Variants in CNTN1 observed in about 807,000 individuals in gnomAD.
The protein encoded by CNTN1 is contactin 1, also known as contactin-1.
CNTN1 carries 38 observed loss-of-function variants against 126.4 expected under a neutral mutation model. The ratio of observed to expected loss-of-function variants is 0.30; its 90% CI spans 0.23 to 0.39. The LOEUF is 0.39. Among genes scored for constraint, CNTN1 ranks in the 10% least tolerant of loss-of-function variants. The pLI, the probability that CNTN1 is intolerant of heterozygous loss-of-function variation, is 1.00. For synonymous variants in CNTN1, 413 were observed against 422.6 expected (o/e 0.98, Z 0.28); for missense variants, 1,009 against 1,248.4 (o/e 0.81, Z 2.89).
intron 1 of CNTN1, among the ~76,000 whole-genome samples, chr12:40,814,295 A>T (rs1479668081): frequency 6.6e-6 from 1 of 152,064 alleles, no homozygotes; most frequent in African/African-American, 2.4e-5. Flanking sequence ...AAATGGTATT[A>T]CCTAGGTTTT....
intron 7 of CNTN1, among the ~76,000 whole-genome samples, chr12:40,931,669 A>T (rs1372540): frequency 0.071 from 10,823 of 151,960 alleles, 641 homozygotes; most frequent in Admixed American, 0.18. Context: ...ATTATTTATT[A>T]TCAAATCCCA....
At chr12:40,988,274 T>C (rs965389634) in intron 16 of CNTN1, among the ~76,000 whole-genome samples, 6 of 152,076 alleles carry the variant, frequency 3.9e-5, no homozygotes, top group Non-Finnish European at 8.8e-5. Flanking sequence ...TCTGAGTGAG[T>C]AGGTTTGTTC....
At chr12:40,881,205 T>A (rs542591449) in intron 1 of CNTN1, among the ~76,000 whole-genome samples, 10 of 151,920 alleles carry the variant, frequency 6.6e-5, no homozygotes, top group Non-Finnish European at 1.3e-4. Context: ...CCCACCCAAA[T>A]ATTTACTCCA....
intron 1 of CNTN1, among the ~76,000 whole-genome samples, chr12:40,904,259 C>G (rs1217261087): frequency 6.6e-6 from 1 of 152,042 alleles, no homozygotes; most frequent in African/African-American, 2.4e-5. Flanking sequence ...ACCTCGTGAT[C>G]CGTCCACCTT....
intron 1 of CNTN1, among the ~76,000 whole-genome samples, chr12:40,906,763 C>T (rs1279671775): frequency 7.1e-5 from 7 of 99,246 alleles, no homozygotes; most frequent in African/African-American, 2.8e-4. Flanking sequence ...ACTGCAACCT[C>T]CACCTCCCAG....
rs552732207 is a variant in CNTN1 at position 41,017,378 on chromosome 12, T to C, written c.2419+462T>C. 1.6e-4 allele frequency among the ~76,000 whole-genome samples: 21 copies of C among 130,270 alleles called. 1 individual carries two copies. In the South Asian group the frequency reaches 4.4e-3, roughly 27 times the overall value. The allele number at this position is 130,270 out of a possible 152,430, so 85.5% of individuals were successfully genotyped here. A position where few individuals can be genotyped will look rare whatever the true frequency, so the allele number is the denominator to read the frequency against. On this transcript the variant is annotated intron_variant, in intron 19 of 23. Coordinates refer to ENST00000551295, the MANE Select transcript of CNTN1 (RefSeq NM_001843.4). ...GTCTGGAGGACAGAGCAAGACTCCG[T>C]CTCAAAAAAAAAAAAAAAAAAATTT...
chr12:40,711,303 T>C (rs1468043298), intron 1 of CNTN1, among the ~76,000 whole-genome samples: 1 of 152,184 alleles, frequency 6.6e-6, no homozygotes, highest in African/African-American at 2.4e-5. Flanking sequence ...TTCTTTCATT[T>C]TTCTCTTCCC....
At chr12:41,057,185 T>C (rs1453497329) in intron 23 of CNTN1, among the ~76,000 whole-genome samples, 2 of 130,530 alleles carry the variant, frequency 1.5e-5, no homozygotes, top group Non-Finnish European at 3.2e-5. Flanking sequence ...TTATAAATAT[T>C]TAGATATTTA....
intron 11 of CNTN1, 77 bp from the exon 12 acceptor site, chr12:40,939,258 A>T: frequency 6.7e-7 from 1 of 1,500,980 alleles, no homozygotes; most frequent in Admixed American, 1.8e-5. Flanking sequence ...AAGGAGAATA[A>T]AAGATTCTAC....
At chr12:40,842,599 T>C (rs1942327975) in intron 1 of CNTN1, among the ~76,000 whole-genome samples, 1 of 152,098 alleles carries the variant, frequency 6.6e-6, no homozygotes, top group African/African-American at 2.4e-5. Flanking sequence ...TTAGACACTT[T>C]TGCTTCCTTC....
chr12:40,767,840 A>T (rs1939179554), intron 1 of CNTN1, among the ~76,000 whole-genome samples: 1 of 152,138 alleles, frequency 6.6e-6, no homozygotes, highest in Admixed American at 6.5e-5. Context: ...AGTAAAAATA[A>T]AGTGTTTTCC....
chr12:40,942,926 C>A (rs1348015004), intron 12 of CNTN1, among the ~76,000 whole-genome samples: 1 of 151,928 alleles, frequency 6.6e-6, no homozygotes, highest in African/African-American at 2.4e-5. Context: ...TTTGTGCAAA[C>A]TTTCAAAGAT....
chr12:40,912,060 A>C (rs1374353040), intron 3 of CNTN1, among the ~76,000 whole-genome samples: 3 of 152,232 alleles, frequency 2.0e-5, no homozygotes, highest in Non-Finnish European at 4.4e-5. Context: ...AGCATATATA[A>C]TAGTTTTTAA....
chr12:40,830,954 TATATATATAC>T (rs1270056222), intron 1 of CNTN1, among the ~76,000 whole-genome samples: 2 of 107,596 alleles, frequency 1.9e-5, no homozygotes, highest in Non-Finnish European at 4.0e-5. Flanking sequence ...TATATATATA[TATATATATAC>T]ACACACACAC....
intron 14 of CNTN1, among the ~76,000 whole-genome samples, chr12:40,951,715 TAAAAAAAAAAA>T (rs71078286): frequency 2.7e-5 from 3 of 110,026 alleles, no homozygotes; most frequent in Admixed American, 2.1e-4. Flanking sequence ...TCTCAAAATT[TAAAAAAAAAAA>T]AAAAAAAAAA....
At chr12:40,725,401 C>CAAAAAAAAAAAAAAAAAAAAAAAGAAAAA (rs34242859) in intron 1 of CNTN1, among the ~76,000 whole-genome samples, 2 of 45,332 alleles carry the variant, frequency 4.4e-5, no homozygotes, top group Non-Finnish European at 4.0e-5. Flanking sequence ...AACTCTGTCT[C>CAAAAAAAAAAAAAAAAAAAAAAAGAAAAA]AAAAAAAAAA....
intron 17 of CNTN1, among the ~76,000 whole-genome samples, chr12:41,001,584 A>G (rs1397434912): frequency 5.3e-5 from 8 of 152,280 alleles, no homozygotes; most frequent in Admixed American, 3.3e-4. Flanking sequence ...TTTGCTGTGC[A>G]GAAGCTCTTT....
chr12:40,778,747 T>C (rs1193240812), intron 1 of CNTN1, among the ~76,000 whole-genome samples: 1 of 151,826 alleles, frequency 6.6e-6, no homozygotes, highest in Non-Finnish European at 1.5e-5. Context: ...TTATTGGAAC[T>C]ACATAGAAAA....
At chr12:40,813,946 T>C (rs1219446547) in intron 1 of CNTN1, among the ~76,000 whole-genome samples, 2 of 152,180 alleles carry the variant, frequency 1.3e-5, no homozygotes, top group Admixed American at 6.5e-5. Context: ...TGAGGATCAG[T>C]GGTGTTCAGC....
Sources: allele counts gnomAD v4.1 joint callset (sites outside exome capture counted in the v4.1 genomes callset), GRCh38; gene constraint gnomAD v4.1.1; transcripts MANE v1.5; gene names NCBI Gene and HGNC (gene_info 2026-07-23, HGNC 2026-07-21).